The following PFKFB3 variants were observed in gnomAD, a reference collection of about 807,000 sequenced individuals.
The protein encoded by PFKFB3 is 6-phosphofructo-2-kinase/fructose-2,6-biphosphatase 3, also known as 6-phosphofructo-2-kinase/fructose-2,6-bisphosphatase 3.
Under a neutral mutation model 68.0 loss-of-function variants are expected in PFKFB3, and 33 were observed. That is an observed-to-expected ratio of 0.49 (90% CI 0.37 to 0.65). The LOEUF is 0.65. Among genes scored for constraint, PFKFB3 ranks in the 30% least tolerant of loss-of-function variants. The probability of loss-of-function intolerance (pLI) is 0.00; values close to 1 mark genes in which losing one functional copy is unlikely to be tolerated. For synonymous variants in PFKFB3, 315 were observed against 288.2 expected, an observed-to-expected ratio of 1.09 and a Z score of -0.94; for missense variants, 586 against 712.2, an observed-to-expected ratio of 0.82 and a Z score of 2.02.
chr10:6,177,434 C>G (rs1478173935), intron 1 of PFKFB3, among the ~76,000 whole-genome samples: 1 of 50,154 alleles, frequency 2.0e-5, no homozygotes, highest in African/African-American at 6.6e-5. Flanking sequence ...CCTTTCTTTT[C>G]TTTCTCTTTC....
chr10:6,222,920 G>C lies in PFKFB3; in HGVS notation c.1149G>C (p.Val383=). ...TGGAGCTGGAGCGGCAGGAGAATGTGCTGGTCATCTGCCACCAGGCCGTCC... is the reference window on the plus strand; with the variant it reads ...TGGAGCTGGAGCGGCAGGAGAATGTCCTGGTCATCTGCCACCAGGCCGTCC... ...VIMELERQEN[V]LVICHQAVLR... Residue 383 remains valine, a synonymous_variant, in exon 11 of 15, where the codon GTG becomes GTC. Transcript: ENST00000379775. 6.2e-7 allele frequency: 1 copy of C among 1,613,840 alleles called. No homozygotes were observed. The highest frequency in any genetic ancestry group is 1.1e-5 in the South Asian group (1 of 91,068).
downstream of PFKFB3, among the ~76,000 whole-genome samples, chr10:6,259,214 T>TCCATCCATCCAC (rs2132088353): frequency 6.7e-6 from 1 of 149,168 alleles, no homozygotes; most frequent in East Asian, 2.0e-4. Flanking sequence ...CATCCATCCA[T>TCCATCCATCCAC]CCATCCACCC....
At chr10:6,293,993 T>C in the PFKFB3 span, 3 of 526,786 alleles carry the variant, frequency 5.7e-6, no homozygotes, top group African/African-American at 1.9e-5. Flanking sequence ...CATGAATCCC[T>C]TGCTTAATTT....
At chr10:6,230,206 A>T (rs7904792) in intron 14 of PFKFB3, among the ~76,000 whole-genome samples, 1 of 151,988 alleles carries the variant, frequency 6.6e-6, no homozygotes. Flanking sequence ...CACCTGACTC[A>T]GGTTGGAATT....
intron 1 of PFKFB3, among the ~76,000 whole-genome samples, chr10:6,204,676 C>A (rs1404293164): frequency 6.6e-6 from 1 of 152,208 alleles, no homozygotes; most frequent in Non-Finnish European, 1.5e-5. Context: ...CAGTCAGATG[C>A]GCTTGAACTG....
chr10:6,317,031 T>A, the PFKFB3 span, among the ~76,000 whole-genome samples: 2 of 152,112 alleles, frequency 1.3e-5, no homozygotes, highest in Non-Finnish European at 2.9e-5. Flanking sequence ...AAATTCTGGC[T>A]CATTTGCCCA....
intron 2 of PFKFB3, among the ~76,000 whole-genome samples, chr10:6,214,978 G>A (rs1432287046): frequency 6.6e-6 from 1 of 152,276 alleles, no homozygotes; most frequent in Non-Finnish European, 1.5e-5. Flanking sequence ...GGAGGGGACA[G>A]TGTCGCAGAG....
Position 6,151,973 on chromosome 10 carries a change from T to TA in PFKFB3, c.16+6974dup, listed in dbSNP as rs71294421. On this transcript the variant is annotated intron_variant, in intron 1 of 14. Coordinates refer to the PFKFB3 transcript ENST00000379789. Reference sequence around the variant, plus strand: ...TTCACATTAGAATTAACTGGGGAGCTAAAAAAAAAAAAAACCTGATGCCCC... The same window carrying TA: ...TTCACATTAGAATTAACTGGGGAGCTAAAAAAAAAAAAAAACCTGATGCCCC... 3.6e-3 allele frequency among the ~76,000 whole-genome samples: 508 copies of TA among 141,394 alleles called. 5 individuals are homozygous for TA. Among genetic ancestry groups the TA allele is most frequent in the East Asian group, 0.019 (90 of 4,806 alleles). The allele number at this position is 141,394 out of a possible 152,430, so 92.8% of individuals were successfully genotyped here.
upstream of PFKFB3, among the ~76,000 whole-genome samples, chr10:6,198,788 A>T (rs1241924884): frequency 6.6e-6 from 1 of 152,212 alleles, no homozygotes; most frequent in Non-Finnish European, 1.5e-5. Flanking sequence ...TGGCCTCTCC[A>T]TGTCTTTTCA....
intron 14 of PFKFB3, among the ~76,000 whole-genome samples, chr10:6,250,664 C>T (rs1232318330): frequency 6.6e-6 from 1 of 152,098 alleles, no homozygotes; most frequent in Non-Finnish European, 1.5e-5. Flanking sequence ...TATAAAGGGC[C>T]TTGATGGAGA....
chr10:6,303,708 G>A, the PFKFB3 span, among the ~76,000 whole-genome samples: 2 of 150,332 alleles, frequency 1.3e-5, no homozygotes, highest in South Asian at 4.2e-4. Context: ...GCTGCGGCAG[G>A]AGAATCACTT....
intron 1 of PFKFB3, among the ~76,000 whole-genome samples, chr10:6,146,782 A>T (rs1413337808): frequency 1.3e-5 from 2 of 152,250 alleles, no homozygotes; most frequent in African/African-American, 4.8e-5. Context: ...TTAGTGCATT[A>T]TTAGATCACA....
At chr10:6,192,705 G>A (rs551296820) in intron 1 of PFKFB3, among the ~76,000 whole-genome samples, 360 of 145,874 alleles carry the variant, frequency 2.5e-3, no homozygotes, top group African/African-American at 7.1e-3. Flanking sequence ...GTGTGTGTGT[G>A]TGTGTGTTGG....
At chr10:6,172,764 G>A (rs1408687243) in intron 1 of PFKFB3, among the ~76,000 whole-genome samples, 2 of 151,926 alleles carry the variant, frequency 1.3e-5, no homozygotes, top group Non-Finnish European at 2.9e-5. Flanking sequence ...CGAGGCTGCA[G>A]TGAGCTGTGA....
At chr10:6,243,514 T>C (rs1488599425) in intron 14 of PFKFB3, among the ~76,000 whole-genome samples, 1 of 152,172 alleles carries the variant, frequency 6.6e-6, no homozygotes, top group East Asian at 1.9e-4. Context: ...AGGCTCTGGG[T>C]GCTGTCACCC....
chr10:6,295,974 G>A, the PFKFB3 span, among the ~76,000 whole-genome samples: 115 of 152,270 alleles, frequency 7.6e-4, 1 homozygote, highest in East Asian at 0.019. Context: ...GTTGATGACA[G>A]TTTCACACAC....
At chr10:6,265,380 C>A in the PFKFB3 span, among the ~76,000 whole-genome samples, 3 of 152,144 alleles carry the variant, frequency 2.0e-5, no homozygotes, top group Admixed American at 6.5e-5. Flanking sequence ...CGCCCCTCAC[C>A]TAATTTGGTA....
At chr10:6,212,469 G>A (rs895889864) in intron 1 of PFKFB3, among the ~76,000 whole-genome samples, 5 of 152,252 alleles carry the variant, frequency 3.3e-5, no homozygotes, top group Admixed American at 1.3e-4. Flanking sequence ...TGGTGGAGCC[G>A]GCCCCTGGCT....
At chr10:6,297,712 C>T in the PFKFB3 span, among the ~76,000 whole-genome samples, 1 of 152,176 alleles carries the variant, frequency 6.6e-6, no homozygotes, top group Non-Finnish European at 1.5e-5. Flanking sequence ...TGAATTACAG[C>T]TCCTTGATGA....
Sources: allele counts gnomAD v4.1 joint callset (sites outside exome capture counted in the v4.1 genomes callset), GRCh38; gene constraint gnomAD v4.1.1; transcripts MANE v1.5; gene names NCBI Gene and HGNC (gene_info 2026-07-23, HGNC 2026-07-21).